Variants in KDM4B observed in about 807,000 individuals in gnomAD.
KDM4B encodes the protein lysine demethylase 4B, also known as lysine-specific demethylase 4B.
Under a neutral mutation model 125.2 loss-of-function variants are expected in KDM4B, and 32 were observed. The ratio of observed to expected loss-of-function variants is 0.26; its 90% CI spans 0.19 to 0.34. The LOEUF is 0.34. Ranked by LOEUF, KDM4B falls within the 10% of genes least tolerant of loss-of-function variation. The pLI, the probability that KDM4B is intolerant of heterozygous loss-of-function variation, is 1.00. For synonymous variants in KDM4B, 721 were observed against 677.9 expected (o/e 1.06, Z -0.99); for missense variants, 1,190 against 1,577.7 (o/e 0.75, Z 4.16).
In KDM4B at chr19:5,114,328, T is replaced by C; in HGVS notation, c.1115+3510T>C. On this transcript the variant is annotated intron_variant, in intron 10 of 22. Coordinates refer to ENST00000159111, the MANE Select transcript of KDM4B (RefSeq NM_015015.3). The surrounding 1 kb of genome is among the most constrained non-coding windows in gnomAD (Gnocchi z 5.8). ...GCCCAGGCCTCGTCTCCCCTACCCC[T>C]CCGAGCTCGGTGCTGCCTGTCCCCT... 1.1e-6 allele frequency: 1 copy of C among 938,092 alleles called. No homozygotes were observed. Among genetic ancestry groups the C allele is most frequent in the Non-Finnish European group, 1.5e-6 (1 of 667,752 alleles). 58.1% of individuals were successfully genotyped at this position (938,092 alleles called of 1,614,324 possible). A position where few individuals can be genotyped will look rare whatever the true frequency, so the allele number is the denominator to read the frequency against.
In KDM4B at chr19:5,119,838, C is replaced by T; in HGVS notation, c.1301C>T (p.Ala434Val). 6.5e-7 allele frequency: 1 copy of T among 1,545,902 alleles called. No individual in the cohort carries two copies. The highest frequency in any genetic ancestry group is 8.7e-7 in the Non-Finnish European group (1 of 1,146,022). Reference protein sequence around the residue: ...EPQPLPHGREAEGAEEDGRGK... With the variant: ...EPQPLPHGREVEGAEEDGRGK... ...CAGCCACTGCCACACGGCCGGGAGG[C>T]CGAGGGCGCAGAAGGTCAGTCCCTG... is the stretch of plus-strand genomic sequence containing the variant. Residue 434 changes from alanine to valine, a missense_variant, in exon 11 of 23, where the codon GCC (alanine) becomes GTC (valine). Ala to Val is a moderately conservative substitution (Grantham distance 64). Transcript: ENST00000159111.
At chr19:5,055,035 C>G (rs200668131) in intron 6 of KDM4B, among the ~76,000 whole-genome samples, 1 of 152,276 alleles carries the variant, frequency 6.6e-6, no homozygotes, top group East Asian at 1.9e-4. Context: ...GGGATTGCAT[C>G]TCTGCGCCTG....
intron 10 of KDM4B, among the ~76,000 whole-genome samples, chr19:5,117,942 G>A (rs963238411): frequency 1.3e-5 from 2 of 152,190 alleles, no homozygotes; most frequent in Non-Finnish European, 2.9e-5. Context: ...AGGGCCGGCA[G>A]TGACTAGTGT....
chr19:5,092,032 G>A (rs901895192), intron 9 of KDM4B, among the ~76,000 whole-genome samples: 5 of 152,226 alleles, frequency 3.3e-5, no homozygotes, highest in African/African-American at 1.2e-4. Context: ...TCACAGTCAC[G>A]CAGAAGCGTG....
intron 6 of KDM4B, among the ~76,000 whole-genome samples, chr19:5,060,010 C>G (rs925177242): frequency 6.6e-6 from 1 of 152,220 alleles, no homozygotes; most frequent in Admixed American, 6.5e-5. Context: ...TTCTCTGCTG[C>G]CTCCTCCCCA....
At chr19:5,063,861 G>A (rs1425053165) in intron 6 of KDM4B, among the ~76,000 whole-genome samples, 1 of 152,192 alleles carries the variant, frequency 6.6e-6, no homozygotes, top group African/African-American at 2.4e-5. Context: ...GTCACCATGC[G>A]GCTCTGAGGA....
chr19:5,050,565 A>G (rs933532926), intron 6 of KDM4B, among the ~76,000 whole-genome samples: 5 of 152,192 alleles, frequency 3.3e-5, no homozygotes, highest in Non-Finnish European at 7.3e-5. Context: ...GCTGTGCCCC[A>G]TAGAAGCCAC....
intron 1 of KDM4B, among the ~76,000 whole-genome samples, chr19:4,982,170 G>T (rs1292047693): frequency 1.3e-5 from 2 of 152,088 alleles, no homozygotes; most frequent in Non-Finnish European, 2.9e-5. Context: ...GTGCAGGCCT[G>T]TAATCCCAGC....
chr19:5,071,094 G>T, intron 7 of KDM4B, 35 bp downstream of exon 7: 1 of 1,603,604 alleles, frequency 6.2e-7, no homozygotes, highest in South Asian at 1.1e-5. Context: ...AGGGACCTGG[G>T]ACCAGGTGGG....
At chr19:5,008,591 CTT>C (rs550611814) in intron 1 of KDM4B, among the ~76,000 whole-genome samples, 10 of 135,496 alleles carry the variant, frequency 7.4e-5, no homozygotes, top group Admixed American at 1.5e-4. Context: ...TTTTCTTTTT[CTT>C]TTTTTTTTTT....
intron 2 of KDM4B, among the ~76,000 whole-genome samples, chr19:5,027,467 T>C (rs1373873472): frequency 6.6e-6 from 1 of 152,168 alleles, no homozygotes; most frequent in African/African-American, 2.4e-5. Flanking sequence ...TCCTCTCTTC[T>C]TTTGCGAGTT....
Position 5,141,952 on chromosome 19 carries a change from G to A in KDM4B, c.2551-2015G>A, listed in dbSNP as rs1464510204. 2.0e-5 allele frequency among the ~76,000 whole-genome samples: 3 copies of A among 152,168 alleles called. No homozygotes were observed. The highest frequency in any genetic ancestry group is 4.8e-5 in the African/African-American group (2 of 41,452). The stretch of plus-strand genomic sequence containing the variant: ...AGTCCTGCCTGGAGGGGTAGGGCTC[G>A]GTCAGGAGGGAGGGGCTCTCTGCTC... On this transcript the variant is annotated intron_variant, in intron 18 of 22. Transcript: ENST00000159111. The surrounding 1 kb of genome is among the most constrained non-coding windows in gnomAD (Gnocchi z 6.4).
chr19:5,119,778 C>T lies in KDM4B; in HGVS notation c.1241C>T (p.Pro414Leu), dbSNP rs759014600. 4.5e-5 allele frequency: 69 copies of T among 1,544,772 alleles called. No homozygotes were observed. The highest frequency in any genetic ancestry group is 3.2e-4 in the African/African-American group (23 of 72,950). ...GGCAGCGTGAAGGAGGAGGCTGGGC[C>T]GGAGGTTGACCCCGAGGAGGAGGAG... ...AGGSVKEEAG[P>L]EVDPEEEEEE... Residue 414 changes from proline to leucine, a missense_variant, in exon 11 of 23, where the codon CCG becomes CTG. Coordinates refer to ENST00000159111, the MANE Select transcript of KDM4B (RefSeq NM_015015.3).
intron 1 of KDM4B, among the ~76,000 whole-genome samples, chr19:4,973,875 A>G (rs2034349484): frequency 6.6e-6 from 1 of 151,882 alleles, no homozygotes; most frequent in East Asian, 1.9e-4. Flanking sequence ...CATGCCTGTA[A>G]TCCCAGCACT....
chr19:5,027,249 CA>C (rs1454291833), intron 2 of KDM4B, among the ~76,000 whole-genome samples: 5 of 152,240 alleles, frequency 3.3e-5, no homozygotes, highest in Non-Finnish European at 7.3e-5. Flanking sequence ...ACATGCACAG[CA>C]GGCACTGTGG....
chr19:5,082,499 A>G lies in KDM4B; in HGVS notation c.913A>G (p.Thr305Ala). The change falls in exon 9 of 23, where the codon ACT becomes GCT. Residue 305 changes from threonine to alanine, a missense_variant. By Grantham distance (58) the Thr-to-Ala change is moderately conservative (BLOSUM62 0). Transcript: ENST00000159111. This position sits in a 1 kb window ranked among gnomAD's most constrained non-coding sequence, Gnocchi z 5.4. ...LRWIDYGKVA[T>A]QCTCRKDMVK... ...GTGGATTGACTACGGCAAAGTGGCC[A>G]CTCAGGTAAAAGCTTGCCTGCTGGG... 1 of 1,598,600 alleles carries G rather than the reference A, an allele frequency of 6.3e-7. No individual in the cohort carries two copies. The highest frequency in any genetic ancestry group is 8.5e-7 in the Non-Finnish European group (1 of 1,172,052).
chr19:5,138,146 G>C, intron 18 of KDM4B, 76 bp downstream of exon 18: 1 of 1,118,744 alleles, frequency 8.9e-7, no homozygotes, highest in Non-Finnish European at 1.3e-6. Flanking sequence ...CCACCTGCGC[G>C]ATCTGAAGCG....
intron 3 of KDM4B, among the ~76,000 whole-genome samples, chr19:5,039,394 G>A (rs544855907): frequency 6.6e-6 from 1 of 152,206 alleles, no homozygotes; most frequent in East Asian, 1.9e-4. Flanking sequence ...GTTGGAGGCT[G>A]CAGTGAGCTA....
intron 2 of KDM4B, among the ~76,000 whole-genome samples, chr19:5,026,790 G>A (rs897781993): frequency 1.3e-5 from 2 of 152,180 alleles, no homozygotes; most frequent in African/African-American, 4.8e-5. Context: ...AAACTTACTG[G>A]CATGGTACCA....
Sources: gnomAD v4.1 joint callset for allele counts (sites outside exome capture counted in the v4.1 genomes callset) on GRCh38, gnomAD v4.1.1 for gene constraint, Gnocchi (gnomAD v3.1) non-coding constraint, MANE v1.5 for transcripts, NCBI Gene and HGNC (gene_info 2026-07-23, HGNC 2026-07-21) for gene names.